Variants in BTAF1 observed in about 807,000 individuals in gnomAD.
The protein encoded by BTAF1 is TATA-binding protein-associated factor 172.
BTAF1 carries 38 observed loss-of-function variants against 227.1 expected under a neutral mutation model. That is an observed-to-expected ratio of 0.17 (90% CI 0.13 to 0.22). The LOEUF (loss-of-function observed/expected upper bound fraction) is 0.22. BTAF1 is among the 10% of genes least tolerant of loss of function. BTAF1 has a pLI of 1.00. For synonymous variants in BTAF1, 742 were observed against 751.9 expected, an observed-to-expected ratio of 0.99 and a Z score of 0.21; for missense variants, 1,598 against 2,204.0, an observed-to-expected ratio of 0.73 and a Z score of 5.51.
chr10:91,983,449 T>C (rs1304901404), intron 18 of BTAF1, among the ~76,000 whole-genome samples: 5 of 152,252 alleles, frequency 3.3e-5, no homozygotes, highest in Non-Finnish European at 7.3e-5. Flanking sequence ...CTAAAAGTAA[T>C]TGAGCCATGC....
intron 35 of BTAF1, among the ~76,000 whole-genome samples, chr10:92,025,667 T>A (rs570487792): frequency 1.3e-5 from 2 of 151,910 alleles, no homozygotes; most frequent in East Asian, 3.9e-4. Flanking sequence ...ATTAGCTGGA[T>A]GTGGTGGCAC....
At chr10:91,989,815 A>G (rs1262486022) in intron 20 of BTAF1, among the ~76,000 whole-genome samples, 2 of 152,222 alleles carry the variant, frequency 1.3e-5, no homozygotes, top group Non-Finnish European at 2.9e-5. Flanking sequence ...TAGCTGATAT[A>G]AGGTGACTGA....
intron 11 of BTAF1, among the ~76,000 whole-genome samples, chr10:91,960,736 C>A (rs1053962811): frequency 1.8e-4 from 27 of 151,786 alleles, no homozygotes; most frequent in African/African-American, 6.3e-4. Context: ...AGTACTAGAA[C>A]TAGAAACTAA....
intron 19 of BTAF1, 53 bp from the exon 20 acceptor site, chr10:91,989,101 T>C: frequency 6.9e-7 from 1 of 1,451,392 alleles, no homozygotes; most frequent in South Asian, 1.4e-5. Context: ...GAGCTTACAG[T>C]CTATTTGGGG....
At chr10:92,011,252 A>T (rs1850275141) in intron 29 of BTAF1, 34 bp from the exon 30 acceptor site, 2 of 1,502,452 alleles carry the variant, frequency 1.3e-6, no homozygotes, top group East Asian at 4.7e-5. Flanking sequence ...ACATACAGCA[A>T]AAGTTGTAAA....
At chr10:91,962,836 CT>C (rs1846617524) in intron 12 of BTAF1, among the ~76,000 whole-genome samples, 158 bp downstream of exon 12, 2 of 151,256 alleles carry the variant, frequency 1.3e-5, no homozygotes, top group Admixed American at 6.6e-5. Context: ...ATATATTGTA[CT>C]TTGGAAGAGT....
At chr10:91,991,775 ATGTGTGTG>A (rs376156562) in intron 20 of BTAF1, among the ~76,000 whole-genome samples, 46 of 81,508 alleles carry the variant, frequency 5.6e-4, no homozygotes, top group East Asian at 3.4e-3. Context: ...AATTATATAT[ATGTGTGTG>A]TGTGTGTGTG....
intron 25 of BTAF1, among the ~76,000 whole-genome samples, chr10:92,001,979 T>TACAC (rs1227419565): frequency 1.2e-5 from 1 of 86,258 alleles, no homozygotes; most frequent in East Asian, 3.7e-4. Context: ...CATATATATA[T>TACAC]ATATATACAC....
At chr10:91,998,140 AAAAG>A (rs1276825242) in intron 25 of BTAF1, among the ~76,000 whole-genome samples, 2 of 150,692 alleles carry the variant, frequency 1.3e-5, no homozygotes, top group East Asian at 1.9e-4. Flanking sequence ...AAAAAAAAAA[AAAAG>A]AAAAGAAAAG....
At chr10:92,024,009 CTGTT>C (rs1851317290) in intron 34 of BTAF1, among the ~76,000 whole-genome samples, 1 of 152,198 alleles carries the variant, frequency 6.6e-6, no homozygotes, top group African/African-American at 2.4e-5. Context: ...ATTGGGTATA[CTGTT>C]TGTCAAATTG....
At chr10:91,927,962 A>G (rs936268866) in intron 1 of BTAF1, among the ~76,000 whole-genome samples, 2 of 141,106 alleles carry the variant, frequency 1.4e-5, no homozygotes, top group Non-Finnish European at 3.1e-5. Context: ...AGTACTTTTG[A>G]GTTTAACTGC....
chr10:92,012,653 C>A (rs186781389), intron 30 of BTAF1, among the ~76,000 whole-genome samples: 2,548 of 151,188 alleles, frequency 0.017, 40 homozygotes, highest in Non-Finnish European at 0.022. Context: ...CGCCTGTACT[C>A]CCAGCTACTC....
chr10:91,978,368 G>A (rs550700394), intron 14 of BTAF1, among the ~76,000 whole-genome samples: 18 of 152,178 alleles, frequency 1.2e-4, no homozygotes, highest in East Asian at 1.2e-3. Flanking sequence ...GAGGGTCGGG[G>A]AACAGAGTTG....
rs866620544 is a variant in BTAF1 at position 92,029,952 on chromosome 10, G to A, written c.*1019G>A. 3 of 152,520 alleles carry A rather than the reference G, an allele frequency of 2.0e-5. No individual in the cohort carries two copies. The highest frequency in any genetic ancestry group is 6.5e-5 in the Admixed American group (1 of 15,278). 9.4% of individuals were successfully genotyped at this position (152,520 alleles called of 1,614,324 possible). A position where few individuals can be genotyped will look rare whatever the true frequency, so the allele number is the denominator to read the frequency against. On this transcript the variant is annotated 3_prime_UTR_variant, in exon 38 of 38. Coordinates refer to ENST00000265990, the MANE Select transcript of BTAF1 (RefSeq NM_003972.3). ...TATACTGGGCAGCAATAATAATTGG[G>A]CATGAGGCTGATTACTCAATGGTGA... is the stretch of plus-strand genomic sequence containing the variant.
At position 92,018,980 on chromosome 10, in the gene BTAF1, A is replaced by G. The variant is rs754652845; in HGVS notation, c.4863+45A>G. 3 of 1,386,992 alleles carry G rather than the reference A, an allele frequency of 2.2e-6. No homozygotes were observed. The East Asian group carries it at 7.8e-5, about 36-fold the overall frequency. 85.9% of individuals were successfully genotyped at this position (1,386,992 alleles called of 1,614,324 possible). ...GTTAAATGTGTGTTGTACCCCAGGA[A>G]TATAAATTCTTGGTAAATTTGCTTT... On this transcript the variant is annotated intron_variant, in intron 34 of 37. Coordinates refer to ENST00000265990, the MANE Select transcript of BTAF1 (RefSeq NM_003972.3).
At chr10:91,944,580 T>C (rs1223931426) in intron 4 of BTAF1, among the ~76,000 whole-genome samples, 1 of 152,262 alleles carries the variant, frequency 6.6e-6, no homozygotes, top group South Asian at 2.1e-4. Flanking sequence ...TTATACATTA[T>C]ACAATTCATC....
chr10:91,941,221 A>G (rs1844973999), intron 3 of BTAF1, among the ~76,000 whole-genome samples: 1 of 152,220 alleles, frequency 6.6e-6, no homozygotes, highest in Non-Finnish European at 1.5e-5. Flanking sequence ...GTATGTAAAG[A>G]TGGTACAACT....
In BTAF1 at chr10:91,949,472, G is replaced by A. The variant is rs555061709; in HGVS notation, c.401-1931G>A. The stretch of plus-strand genomic sequence containing the variant: ...ATTCTGCACATTATGAACGTTATGC[G>A]GTGTAGACTAGATTCTGTTACATTC... On this transcript the variant is annotated intron_variant, in intron 4 of 37. Transcript: ENST00000265990. Among the ~76,000 whole-genome samples the A allele has an allele frequency of 2.6e-5, 4 of 152,156 alleles. No homozygotes were observed. The East Asian group carries it at 5.8e-4, about 22-fold the overall frequency.
chr10:92,002,129 A>G (rs1032786774), intron 25 of BTAF1, among the ~76,000 whole-genome samples: 2 of 152,084 alleles, frequency 1.3e-5, no homozygotes, highest in African/African-American at 4.8e-5. Flanking sequence ...TATAAATAAA[A>G]ACACACTGGA....
Sources: allele counts gnomAD v4.1 joint callset (sites outside exome capture counted in the v4.1 genomes callset), GRCh38; gene constraint gnomAD v4.1.1; transcripts MANE v1.5; gene names NCBI Gene and HGNC (gene_info 2026-07-23, HGNC 2026-07-21).